IL1RAPL1: variants seen among roughly 807,000 people sequenced by gnomAD.
IL1RAPL1 encodes the protein interleukin-1 receptor accessory protein-like 1.
Under a neutral mutation model 48.4 loss-of-function variants are expected in IL1RAPL1, and 3 were observed. The ratio of observed to expected loss-of-function variants is 0.06; its 90% CI spans 0.03 to 0.16. The LOEUF is 0.16. Ranked by LOEUF, IL1RAPL1 falls within the 10% of genes least tolerant of loss-of-function variation. The pLI is 1.00. For missense variants in IL1RAPL1, 349 were observed against 530.6 expected, an observed-to-expected ratio of 0.66 and a Z score of 3.36; for synonymous variants, 185 against 187.7, an observed-to-expected ratio of 0.99 and a Z score of 0.12.
chrX:29,088,026 C>A (rs1176802637), intron 2 of IL1RAPL1, among the ~76,000 whole-genome samples: 1 of 111,979 alleles, frequency 8.9e-6, no homozygotes, highest in Non-Finnish European at 1.9e-5. Flanking sequence ...AGAACGAGAT[C>A]CTGTCTCAAC....
intron 1 of IL1RAPL1, among the ~76,000 whole-genome samples, chrX:28,597,876 G>T (rs1454722040): frequency 9.2e-6 from 1 of 108,394 alleles, no homozygotes; most frequent in African/African-American, 3.4e-5. Flanking sequence ...TCCTTGCTTG[G>T]TAGTATTAGA....
chrX:28,979,545 G>T (rs1437041125), intron 2 of IL1RAPL1, among the ~76,000 whole-genome samples: 1 of 111,648 alleles, frequency 9.0e-6, no homozygotes, highest in Non-Finnish European at 1.9e-5. Context: ...CTACAAGAAT[G>T]GTCCAGCAAT....
chrX:28,980,960 G>T, intron 2 of IL1RAPL1, among the ~76,000 whole-genome samples: 1 of 105,684 alleles, frequency 9.5e-6, no homozygotes, highest in East Asian at 3.0e-4. Context: ...GCATGGTGGT[G>T]CATGCCTGTA....
intron 5 of IL1RAPL1, among the ~76,000 whole-genome samples, chrX:29,633,611 A>G (rs1924866337): frequency 9.0e-6 from 1 of 111,217 alleles, no homozygotes; most frequent in South Asian, 3.8e-4. Context: ...ACAGAAATTT[A>G]TTCCCTCACA....
intron 6 of IL1RAPL1, among the ~76,000 whole-genome samples, chrX:29,758,627 C>T (rs1055591624): frequency 9.3e-6 from 1 of 108,083 alleles, no homozygotes; most frequent in South Asian, 4.1e-4. Context: ...GCCCTGGAGG[C>T]GGAGGTTGCA....
At chrX:29,322,857 TG>T (rs1331962044) in intron 3 of IL1RAPL1, among the ~76,000 whole-genome samples, 2 of 111,826 alleles carry the variant, frequency 1.8e-5, no homozygotes, top group East Asian at 5.7e-4. Context: ...TCATCTCTCC[TG>T]CTAAACTCCC....
chrX:28,778,952 A>G (rs955356424), intron 1 of IL1RAPL1, among the ~76,000 whole-genome samples: 2 of 112,021 alleles, frequency 1.8e-5, no homozygotes, highest in African/African-American at 3.2e-5. Flanking sequence ...CCTTTGAGAT[A>G]CAGACTATTC....
intron 1 of IL1RAPL1, among the ~76,000 whole-genome samples, chrX:28,688,792 T>C (rs2146924106): frequency 9.0e-6 from 1 of 111,615 alleles, no homozygotes; most frequent in African/African-American, 3.3e-5. Flanking sequence ...ACAGAATGAA[T>C]GATAATGAAC....
At chrX:29,214,089 C>T (rs2147544286) in intron 2 of IL1RAPL1, among the ~76,000 whole-genome samples, 1 of 110,896 alleles carries the variant, frequency 9.0e-6, no homozygotes, top group South Asian at 3.8e-4. Flanking sequence ...CCTCTGTGCA[C>T]CTCAAGTTGT....
At chrX:29,680,771 T>C (rs996700019) in intron 6 of IL1RAPL1, among the ~76,000 whole-genome samples, 1 of 111,535 alleles carries the variant, frequency 9.0e-6, no homozygotes, top group Non-Finnish European at 1.9e-5. Flanking sequence ...TTGAATGCAG[T>C]CTCTCTTGGG....
intron 5 of IL1RAPL1, among the ~76,000 whole-genome samples, chrX:29,585,894 G>C (rs1329151957): frequency 2.7e-5 from 3 of 111,827 alleles, no homozygotes; most frequent in Non-Finnish European, 5.7e-5. Flanking sequence ...TTGTTTGTTT[G>C]TTTGCTATTG....
chrX:29,946,746 A>C (rs1001776028), intron 9 of IL1RAPL1, among the ~76,000 whole-genome samples: 45 of 111,990 alleles, frequency 4.0e-4, no homozygotes, highest in African/African-American at 1.4e-3. Flanking sequence ...GGTAGGATTG[A>C]ACTCACCTTC....
chrX:29,671,002 G>A (rs145631205), intron 6 of IL1RAPL1, among the ~76,000 whole-genome samples: 15,373 of 111,413 alleles, frequency 0.14, 1,165 homozygotes, highest in African/African-American at 0.29. Context: ...TAAGAGTTAC[G>A]TTATAAGAAA....
At chrX:29,951,856 G>C (rs1205809009) in intron 9 of IL1RAPL1, among the ~76,000 whole-genome samples, 2 of 111,077 alleles carry the variant, frequency 1.8e-5, no homozygotes, top group Non-Finnish European at 3.8e-5. Context: ...AGGAGAAATA[G>C]AACAGGATCA....
intron 2 of IL1RAPL1, among the ~76,000 whole-genome samples, chrX:29,204,369 C>T (rs1429488518): frequency 8.9e-6 from 1 of 111,876 alleles, no homozygotes; most frequent in Non-Finnish European, 1.9e-5. Flanking sequence ...TCCGCACATC[C>T]TTGCCACCAT....
At chrX:29,432,582 C>G (rs181462076) in intron 5 of IL1RAPL1, among the ~76,000 whole-genome samples, 2 of 111,841 alleles carry the variant, frequency 1.8e-5, no homozygotes, top group African/African-American at 6.5e-5. Context: ...TATTGCAAGT[C>G]TTTAATAAAA....
At chrX:29,334,661 T>C (rs1302421620) in intron 3 of IL1RAPL1, among the ~76,000 whole-genome samples, 8 of 110,892 alleles carry the variant, frequency 7.2e-5, no homozygotes, top group Non-Finnish European at 1.3e-4. Flanking sequence ...GCAGAGGCGC[T>C]CCTCACATCC....
intron 2 of IL1RAPL1, among the ~76,000 whole-genome samples, chrX:28,916,227 C>A (rs1396137975): frequency 1.8e-5 from 2 of 110,791 alleles, no homozygotes. Context: ...TGGCCCCCAG[C>A]ATCCCTAATG....
At chrX:28,739,075 C>T (rs896821675) in intron 1 of IL1RAPL1, among the ~76,000 whole-genome samples, 2 of 111,174 alleles carry the variant, frequency 1.8e-5, no homozygotes, top group Admixed American at 9.6e-5. Context: ...TTTGATGTCT[C>T]CAAGATACCT....
Sources: gnomAD v4.1 joint callset for allele counts (sites outside exome capture counted in the v4.1 genomes callset) on GRCh38, gnomAD v4.1.1 for gene constraint, MANE v1.5 for transcripts, NCBI Gene and HGNC (gene_info 2026-07-23, HGNC 2026-07-21) for gene names.